Variants in SGCG observed in about 807,000 individuals in gnomAD.
The protein encoded by SGCG is sarcoglycan gamma.
In SGCG, 26 loss-of-function variants were observed where a neutral mutation model predicts 29.3. That is an observed-to-expected ratio of 0.89 (90% CI 0.65 to 1.23). The LOEUF is 1.23. Ranked by LOEUF, SGCG falls within the 50% of genes most tolerant of loss-of-function variation. The pLI is 0.00. For missense variants in SGCG, 353 were observed against 356.0 expected, an observed-to-expected ratio of 0.99 and a Z score of 0.07; for synonymous variants, 145 against 129.7, an observed-to-expected ratio of 1.12 and a Z score of -0.80.
At chr13:23,267,962 AAGAAG>A (rs1181316483) in intron 4 of SGCG, 1 of 152,352 alleles carries the variant, frequency 6.6e-6, no homozygotes, top group Non-Finnish European at 1.5e-5. Context: ...ATACTAGAAG[AAGAAG>A]AAGAAATAAA....
chr13:23,202,315 T>A (rs1364779144), intron 1 of SGCG, among the ~76,000 whole-genome samples: 1 of 152,170 alleles, frequency 6.6e-6, no homozygotes, highest in Non-Finnish European at 1.5e-5. Flanking sequence ...GGAATGGTTT[T>A]CAAGAAGGGA....
chr13:23,297,558 G>T (rs1424739975), intron 6 of SGCG, among the ~76,000 whole-genome samples: 2 of 152,216 alleles, frequency 1.3e-5, no homozygotes, highest in African/African-American at 4.8e-5. Context: ...TGTCCTTAAG[G>T]CACAGATTGC....
rs191981885 is a variant in SGCG, at chr13:23,264,402, C to T, written c.385+13685C>T. ...TGAAAGATCTCTGCAAGGATAACTACAAAACATTGCTGAAAGAAATCATAG... is the reference window on the plus strand; with the variant it reads ...TGAAAGATCTCTGCAAGGATAACTATAAAACATTGCTGAAAGAAATCATAG... On this transcript the variant is annotated intron_variant, in intron 4 of 7. Coordinates refer to ENST00000218867, the MANE Select transcript of SGCG (RefSeq NM_000231.3). 2.0e-3 allele frequency among the ~76,000 whole-genome samples: 297 copies of T among 151,616 alleles called. 3 individuals carry two copies. The highest frequency in any genetic ancestry group is 6.8e-3 in the African/African-American group (283 of 41,376).
intron 1 of SGCG, among the ~76,000 whole-genome samples, chr13:23,184,817 C>T (rs1876905805): frequency 6.6e-6 from 1 of 152,158 alleles, no homozygotes; most frequent in Non-Finnish European, 1.5e-5. Flanking sequence ...TAATACAACA[C>T]CTGAACAAGA....
At chr13:23,300,017 G>A in intron 6 of SGCG, among the ~76,000 whole-genome samples, 1 of 152,150 alleles carries the variant, frequency 6.6e-6, no homozygotes, top group Non-Finnish European at 1.5e-5. Context: ...TTCTATTGGA[G>A]GCATAGGCAA....
Position 23,297,230 on chromosome 13 carries a change from A to T in SGCG, c.578+1743A>T, listed in dbSNP as rs376699191. 4.9e-3 allele frequency among the ~76,000 whole-genome samples: 569 copies of T among 117,172 alleles called. 3 individuals are homozygous for T. Among genetic ancestry groups the T allele is most frequent in the African/African-American group, 0.016 (534 of 33,278 alleles). 76.9% of individuals were successfully genotyped at this position (117,172 alleles called of 152,430 possible). On this transcript the variant is annotated intron_variant, in intron 6 of 7. Transcript: ENST00000218867. Reference sequence around the variant, plus strand: ...AAAAGTCAAACACAGACAATCTTTTATTTTTTTTTTTTTTGAGATGGAATT... The same window carrying T: ...AAAAGTCAAACACAGACAATCTTTTTTTTTTTTTTTTTTTGAGATGGAATT...
chr13:23,249,257 A>G (rs184923774), intron 3 of SGCG, among the ~76,000 whole-genome samples: 4 of 152,156 alleles, frequency 2.6e-5, no homozygotes, highest in Non-Finnish European at 5.9e-5. Flanking sequence ...GTAGCCAGTA[A>G]TCTAGAAATT....
intron 4 of SGCG, among the ~76,000 whole-genome samples, chr13:23,257,803 A>T (rs1236976285): frequency 5.9e-5 from 9 of 152,182 alleles, no homozygotes; most frequent in Admixed American, 5.9e-4. Context: ...TTAAATAGGG[A>T]ATCGTTTCCC....
intron 2 of SGCG, among the ~76,000 whole-genome samples, chr13:23,207,896 C>A (rs956172538): frequency 6.6e-6 from 1 of 152,112 alleles, no homozygotes; most frequent in Non-Finnish European, 1.5e-5. Flanking sequence ...ATGGAAATTC[C>A]TTTAAAAATT....
At chr13:23,173,440 T>A in the SGCG span, among the ~76,000 whole-genome samples, 2 of 151,882 alleles carry the variant, frequency 1.3e-5, no homozygotes, top group South Asian at 4.2e-4. Flanking sequence ...AGAGAAGGAG[T>A]GTTTCTTACA....
rs1032295900 is a variant in SGCG, at chr13:23,246,571, G to A, written c.298-4059G>A. On this transcript the variant is annotated intron_variant, in intron 3 of 7. Coordinates refer to ENST00000218867, the MANE Select transcript of SGCG (RefSeq NM_000231.3). ...GTTGAAAGATGATCAGCCTTTGGCTGATAGCCTTTGACTGTTGCCCTCATT... is the reference window on the plus strand; with the variant it reads ...GTTGAAAGATGATCAGCCTTTGGCTAATAGCCTTTGACTGTTGCCCTCATT... 2.7e-4 allele frequency: 45 copies of A among 166,340 alleles called. 2 individuals carry two copies. The Middle Eastern group carries it at 6.0e-3, about 22-fold the overall frequency. 10.3% of individuals were successfully genotyped at this position (166,340 alleles called of 1,614,324 possible). A position where few individuals can be genotyped will look rare whatever the true frequency, so the allele number is the denominator to read the frequency against.
At chr13:23,202,804 C>CA (rs971527178) in intron 1 of SGCG, among the ~76,000 whole-genome samples, 2 of 151,850 alleles carry the variant, frequency 1.3e-5, no homozygotes, top group South Asian at 2.1e-4. Flanking sequence ...GACTTTTGCA[C>CA]AAAAAATCCC....
At chr13:23,180,596 C>T (rs1021101385), upstream of SGCG, among the ~76,000 whole-genome samples, 9 of 152,122 alleles carry the variant, frequency 5.9e-5, no homozygotes, top group African/African-American at 1.7e-4. Flanking sequence ...AGAGATTTTT[C>T]GTAAAATTTT....
At chr13:23,322,765 T>TCCCCCCCCCCCC (rs1189871837) in intron 7 of SGCG, among the ~76,000 whole-genome samples, 1,033 of 61,392 alleles carry the variant, frequency 0.017, 14 homozygotes, top group Middle Eastern at 0.028. Context: ...CCCCCACCCA[T>TCCCCCCCCCCCC]CCACCTCCCC....
At chr13:23,311,288 T>C (rs1244274833) in intron 6 of SGCG, among the ~76,000 whole-genome samples, 1 of 152,242 alleles carries the variant, frequency 6.6e-6, no homozygotes, top group Non-Finnish European at 1.5e-5. Flanking sequence ...TTCACCACGG[T>C]GTCTGGTATG....
intron 6 of SGCG, among the ~76,000 whole-genome samples, chr13:23,312,172 A>T (rs532215719): frequency 3.9e-5 from 6 of 152,358 alleles, no homozygotes; most frequent in African/African-American, 1.4e-4. Context: ...TGTCATATTC[A>T]TAGAATCCTT....
chr13:23,175,310 GAA>G, the SGCG span, among the ~76,000 whole-genome samples: 1 of 152,136 alleles, frequency 6.6e-6, no homozygotes, highest in Non-Finnish European at 1.5e-5. Flanking sequence ...GTGGGGAAAA[GAA>G]GAGATTTTAT....
chr13:23,188,308 A>AG (rs1877074784), intron 1 of SGCG, among the ~76,000 whole-genome samples: 1 of 130,292 alleles, frequency 7.7e-6, no homozygotes, highest in Non-Finnish European at 1.6e-5. Flanking sequence ...TCTTTTACTA[A>AG]GGCTTTTTTT....
chr13:23,242,537 T>C (rs568658833), intron 3 of SGCG, among the ~76,000 whole-genome samples: 3 of 152,312 alleles, frequency 2.0e-5, no homozygotes, highest in African/African-American at 7.2e-5. Context: ...CCCTAAGGTG[T>C]AGTGTTGACA....
Sources: allele counts gnomAD v4.1 joint callset (sites outside exome capture counted in the v4.1 genomes callset), GRCh38; gene constraint gnomAD v4.1.1; transcripts MANE v1.5; gene names NCBI Gene and HGNC (gene_info 2026-07-23, HGNC 2026-07-21).